The following TMEM74 variants were observed in gnomAD, a reference collection of about 807,000 sequenced individuals.
TMEM74 encodes the protein transmembrane protein 74.
TMEM74 carries 13 observed loss-of-function variants against 18.1 expected under a neutral mutation model. The observed-to-expected ratio is 0.72, with a 90% CI of 0.47 to 1.14. TMEM74 has a LOEUF of 1.14. Among genes scored for constraint, TMEM74 ranks in the 50% most tolerant of loss-of-function variants. The pLI is 0.00. For synonymous variants in TMEM74, 159 were observed against 146.6 expected (o/e 1.08, Z -0.61); for missense variants, 372 against 375.9 (o/e 0.99, Z 0.09).
intron 1 of TMEM74, among the ~76,000 whole-genome samples, chr8:108,737,239 A>C (rs1785759859): frequency 6.6e-6 from 1 of 152,170 alleles, no homozygotes; most frequent in Non-Finnish European, 1.5e-5. Context: ...CAATCACAAA[A>C]TAAAAACTTC....
chr8:108,623,877 C>T (rs1428591203), intron 2 of TMEM74, among the ~76,000 whole-genome samples: 7 of 151,996 alleles, frequency 4.6e-5, no homozygotes, highest in East Asian at 1.9e-4. Context: ...GCTCAACACC[C>T]TACACAGGGC....
intron 1 of TMEM74, among the ~76,000 whole-genome samples, chr8:108,687,658 C>G (rs570630336): frequency 2.6e-4 from 39 of 152,138 alleles, no homozygotes; most frequent in Non-Finnish European, 5.6e-4. Flanking sequence ...GAGACAGTGA[C>G]AGATCATCAG....
At chr8:108,654,633 G>C (rs1478905505) in intron 2 of TMEM74, among the ~76,000 whole-genome samples, 1 of 152,082 alleles carries the variant, frequency 6.6e-6, no homozygotes, top group African/African-American at 2.4e-5. Context: ...TGGGGCCTCT[G>C]AAAGAGGAAA....
At chr8:108,641,798 T>A (rs3019397) in intron 2 of TMEM74, among the ~76,000 whole-genome samples, 2 of 151,858 alleles carry the variant, frequency 1.3e-5, no homozygotes, top group East Asian at 1.9e-4. Flanking sequence ...AGCCTTCTCC[T>A]TCATCTTAAG....
rs562800533 is a variant in TMEM74, at chr8:108,749,634, C to T, written n.119+37842G>A. The stretch of plus-strand genomic sequence containing the variant: ...CACTTCCTCTCTTCCTATTTGGATG[C>T]CCTTTATTTCTTTCTCTTACCTTAT... On this transcript the variant is annotated intron_variant and non_coding_transcript_variant, in intron 1 of 3. Coordinates refer to the TMEM74 transcript ENST00000518838. Among the ~76,000 whole-genome samples, 24 of 152,218 alleles carry T rather than the reference C, an allele frequency of 1.6e-4. No individual in the cohort carries two copies. In the South Asian group the frequency reaches 4.4e-3, roughly 28 times the overall value.
intron 1 of TMEM74, among the ~76,000 whole-genome samples, chr8:108,724,764 G>A (rs1227576693): frequency 1.3e-5 from 2 of 152,038 alleles, no homozygotes; most frequent in Non-Finnish European, 2.9e-5. Flanking sequence ...ATATTTTGGG[G>A]TGCACTGGGC....
chr8:108,709,833 T>C (rs1008161649), intron 1 of TMEM74, among the ~76,000 whole-genome samples: 2 of 152,214 alleles, frequency 1.3e-5, no homozygotes, highest in African/African-American at 2.4e-5. Context: ...ACTCTTCAAA[T>C]TGAACATATT....
chr8:108,719,110 A>G (rs976230154), intron 1 of TMEM74, among the ~76,000 whole-genome samples: 1 of 152,042 alleles, frequency 6.6e-6, no homozygotes, highest in African/African-American at 2.4e-5. Context: ...AGAGTAGAGC[A>G]GTTTTTAGAA....
chr8:108,667,876 C>A (rs547464671), intron 1 of TMEM74, among the ~76,000 whole-genome samples: 7 of 152,084 alleles, frequency 4.6e-5, no homozygotes, highest in African/African-American at 1.7e-4. Flanking sequence ...CGAAATTGAA[C>A]GCCTAGTACC....
chr8:108,734,789 CTG>C (rs1293346985), intron 1 of TMEM74, among the ~76,000 whole-genome samples: 1 of 152,208 alleles, frequency 6.6e-6, no homozygotes, highest in Non-Finnish European at 1.5e-5. Flanking sequence ...ACTTGAGACT[CTG>C]CAGCCTTCTC....
At chr8:108,669,745 G>A (rs1812983903) in intron 1 of TMEM74, among the ~76,000 whole-genome samples, 1 of 152,150 alleles carries the variant, frequency 6.6e-6, no homozygotes. Flanking sequence ...TTCTTCAGAA[G>A]TAGTGCATGG....
At chr8:108,638,591 A>G (rs1812630423) in intron 2 of TMEM74, among the ~76,000 whole-genome samples, 1 of 151,460 alleles carries the variant, frequency 6.6e-6, no homozygotes, top group Admixed American at 6.6e-5. Context: ...GTTTATCGGG[A>G]ATAAGTAGTC....
chr8:108,731,332 A>G lies in TMEM74; in HGVS notation n.119+56144T>C, dbSNP rs557495450. Among the ~76,000 whole-genome samples, 6 of 152,236 alleles carry G rather than the reference A, an allele frequency of 3.9e-5. No individual in the cohort carries two copies. The East Asian group carries it at 9.7e-4, about 25-fold the overall frequency. On this transcript the variant is annotated intron_variant and non_coding_transcript_variant, in intron 1 of 3. Coordinates refer to the TMEM74 transcript ENST00000518838. The stretch of plus-strand genomic sequence containing the variant: ...AATTTCTGGGAAAATGTACAATCTT[A>G]TAATCAATAGAATACATGTTCTCAA...
chr8:108,678,305 T>C (rs1489313067), intron 1 of TMEM74, among the ~76,000 whole-genome samples: 2 of 152,166 alleles, frequency 1.3e-5, no homozygotes, highest in Non-Finnish European at 2.9e-5. Context: ...TAGTTTTGTA[T>C]TAGAATATCT....
intron 2 of TMEM74, among the ~76,000 whole-genome samples, chr8:108,639,894 GT>G (rs1812646015): frequency 6.6e-6 from 1 of 151,974 alleles, no homozygotes; most frequent in Non-Finnish European, 1.5e-5. Context: ...TGCATGTGGG[GT>G]TTTTGTGGGT....
chr8:108,659,145 C>A (rs1324451255), intron 1 of TMEM74, among the ~76,000 whole-genome samples: 4 of 147,032 alleles, frequency 2.7e-5, no homozygotes, highest in Non-Finnish European at 4.5e-5. Flanking sequence ...GGAGAAAAGA[C>A]CATTTCTCCT....
At chr8:108,777,603 G>A (rs915655739), downstream of TMEM74, among the ~76,000 whole-genome samples, 58 of 152,048 alleles carry the variant, frequency 3.8e-4, no homozygotes, top group Non-Finnish European at 5.0e-4. Flanking sequence ...AATAATAAGC[G>A]CAAAATAAAA....
chr8:108,756,603 GAA>G (rs1813967345), intron 1 of TMEM74, among the ~76,000 whole-genome samples: 1 of 44,286 alleles, frequency 2.3e-5, no homozygotes, highest in African/African-American at 1.3e-4. Flanking sequence ...AAAGAGAAAG[GAA>G]GGAAGGAAGG....
intron 1 of TMEM74, among the ~76,000 whole-genome samples, chr8:108,693,387 T>A (rs1187024061): frequency 3.3e-5 from 5 of 152,182 alleles, no homozygotes; most frequent in African/African-American, 9.7e-5. Flanking sequence ...TGGCATACAC[T>A]CAATCTCCGT....
Sources: gnomAD v4.1 joint callset for allele counts (sites outside exome capture counted in the v4.1 genomes callset) on GRCh38, gnomAD v4.1.1 for gene constraint, MANE v1.5 for transcripts, NCBI Gene and HGNC (gene_info 2026-07-23, HGNC 2026-07-21) for gene names.